The following ADAMTSL1 variants were observed in gnomAD, a reference collection of about 807,000 sequenced individuals.
ADAMTSL1 encodes the protein ADAMTS like 1, also known as ADAMTS-like protein 1.
A neutral mutation model predicts 201.8 loss-of-function variants in ADAMTSL1; 126 were observed. The observed-to-expected ratio is 0.62, with a 90% CI of 0.54 to 0.72. ADAMTSL1 has a LOEUF of 0.72. Ranked by LOEUF, ADAMTSL1 falls within the 30% of genes least tolerant of loss-of-function variation. The pLI, the probability that ADAMTSL1 is intolerant of heterozygous loss-of-function variation, is 0.00. For missense variants in ADAMTSL1, 2,679 were observed against 2,277.8 expected (o/e 1.18, Z -3.59); for synonymous variants, 1,121 against 903.4 (o/e 1.24, Z -4.32).
At chr9:18,207,737 A>G (rs761181616) in intron 2 of ADAMTSL1, among the ~76,000 whole-genome samples, 7 of 152,154 alleles carry the variant, frequency 4.6e-5, no homozygotes, top group Non-Finnish European at 8.8e-5. Flanking sequence ...AACCTCTTGG[A>G]AAATTTTTAT....
At chr9:18,039,249 C>A (rs1458225201) in intron 1 of ADAMTSL1, among the ~76,000 whole-genome samples, 1 of 152,034 alleles carries the variant, frequency 6.6e-6, no homozygotes, top group Non-Finnish European at 1.5e-5. Context: ...TAATATAATG[C>A]CATTAAGGGA....
intron 1 of ADAMTSL1, among the ~76,000 whole-genome samples, chr9:18,138,583 T>G (rs1826258878): frequency 6.6e-6 from 1 of 152,186 alleles, no homozygotes; most frequent in African/African-American, 2.4e-5. Flanking sequence ...GTGATGTTCC[T>G]CCTGTGGAAC....
chr9:18,677,099 A>G (rs1233644664), intron 10 of ADAMTSL1, among the ~76,000 whole-genome samples: 1 of 152,034 alleles, frequency 6.6e-6, no homozygotes, highest in East Asian at 1.9e-4. Flanking sequence ...GTCATCCAGC[A>G]TCTACTTAAA....
At chr9:18,487,049 G>A (rs760834838) in intron 1 of ADAMTSL1, among the ~76,000 whole-genome samples, 3 of 152,158 alleles carry the variant, frequency 2.0e-5, no homozygotes, top group South Asian at 2.1e-4. Flanking sequence ...AGCATTAATG[G>A]TCTAAATGTA....
Position 18,607,143 on chromosome 9 carries a change from A to T in ADAMTSL1, c.475-15100A>T, listed in dbSNP as rs539169585. 8.5e-5 allele frequency among the ~76,000 whole-genome samples: 13 copies of T among 152,344 alleles called. No individual in the cohort carries two copies. In the East Asian group the frequency reaches 2.3e-3, roughly 27 times the overall value. On this transcript the variant is annotated intron_variant, in intron 4 of 28. Coordinates refer to ENST00000380548, the MANE Select transcript of ADAMTSL1 (RefSeq NM_001040272.6). Reference sequence around the variant, plus strand: ...AACTCAATGCCTAAATGTTGTGGGGAGCATGTTCATAAAAATTCTTCTAGT... The same window carrying T: ...AACTCAATGCCTAAATGTTGTGGGGTGCATGTTCATAAAAATTCTTCTAGT...
chr9:18,620,860 G>A (rs139733303), intron 4 of ADAMTSL1, among the ~76,000 whole-genome samples: 8 of 152,228 alleles, frequency 5.3e-5, no homozygotes, highest in South Asian at 2.1e-4. Flanking sequence ...TTTAAAAGAC[G>A]TTCATTTGCT....
chr9:18,373,684 C>A (rs921482397), intron 2 of ADAMTSL1, among the ~76,000 whole-genome samples: 1 of 152,112 alleles, frequency 6.6e-6, no homozygotes, highest in Non-Finnish European at 1.5e-5. Context: ...CCATGCCACA[C>A]CAAAGAGTTT....
chr9:17,996,878 T>G (rs1030786776), intron 1 of ADAMTSL1, among the ~76,000 whole-genome samples: 12 of 152,178 alleles, frequency 7.9e-5, no homozygotes, highest in African/African-American at 2.4e-4. Flanking sequence ...TTTGGTAACA[T>G]AAGCTGCAGA....
chr9:18,094,929 C>G (rs1247362388), intron 1 of ADAMTSL1, among the ~76,000 whole-genome samples: 2 of 152,148 alleles, frequency 1.3e-5, no homozygotes, highest in Non-Finnish European at 2.9e-5. Flanking sequence ...CCACCTAAAT[C>G]TAAACATAAT....
chr9:18,245,615 A>G (rs1342114553), intron 2 of ADAMTSL1, among the ~76,000 whole-genome samples: 1 of 152,072 alleles, frequency 6.6e-6, no homozygotes, highest in Non-Finnish European at 1.5e-5. Flanking sequence ...AGGATTGGAG[A>G]AGAGAGTAGG....
chr9:18,794,728 C>T (rs774410511), intron 19 of ADAMTSL1, among the ~76,000 whole-genome samples: 2 of 151,890 alleles, frequency 1.3e-5, no homozygotes, highest in Admixed American at 6.6e-5. Context: ...CTGCCCCCCA[C>T]GTTCAAGTGA....
At chr9:18,299,138 A>G (rs1333353155) in intron 2 of ADAMTSL1, among the ~76,000 whole-genome samples, 1 of 152,138 alleles carries the variant, frequency 6.6e-6, no homozygotes, top group Non-Finnish European at 1.5e-5. Flanking sequence ...CATTTTGCAG[A>G]TAGAGGAACA....
chr9:18,549,299 T>C (rs915452859), intron 3 of ADAMTSL1, among the ~76,000 whole-genome samples: 4 of 151,656 alleles, frequency 2.6e-5, no homozygotes, highest in African/African-American at 9.7e-5. Flanking sequence ...CATAATGGAG[T>C]GTAAAAGATG....
chr9:18,844,836 C>G (rs1023863631), intron 23 of ADAMTSL1, among the ~76,000 whole-genome samples: 4 of 152,170 alleles, frequency 2.6e-5, no homozygotes, highest in Non-Finnish European at 4.4e-5. Context: ...ATAGGACCCT[C>G]CGAGCCATGT....
chr9:18,803,489 C>T (rs1822925646), intron 20 of ADAMTSL1, among the ~76,000 whole-genome samples: 1 of 152,156 alleles, frequency 6.6e-6, no homozygotes, highest in Non-Finnish European at 1.5e-5. Flanking sequence ...AATGTTAATT[C>T]TTCCTTAGCC....
chr9:17,981,800 T>C (rs1563931996), intron 1 of ADAMTSL1, among the ~76,000 whole-genome samples: 1 of 152,218 alleles, frequency 6.6e-6, no homozygotes, highest in Admixed American at 6.5e-5. Flanking sequence ...TCTTTCTCTG[T>C]AGCTCCTAGA....
At chr9:18,810,032 AG>A (rs929764885) in intron 20 of ADAMTSL1, among the ~76,000 whole-genome samples, 6 of 152,158 alleles carry the variant, frequency 3.9e-5, no homozygotes, top group African/African-American at 1.4e-4. Context: ...GGTGAGATGC[AG>A]GGGTAGATTT....
intron 1 of ADAMTSL1, among the ~76,000 whole-genome samples, chr9:18,504,184 G>A (rs1822998666): frequency 6.6e-6 from 1 of 152,014 alleles, no homozygotes; most frequent in African/African-American, 2.4e-5. Context: ...TCTTTTTCTT[G>A]AATGTGAAGT....
chr9:18,265,590 T>G (rs986772052), intron 2 of ADAMTSL1, among the ~76,000 whole-genome samples: 1 of 152,202 alleles, frequency 6.6e-6, no homozygotes, highest in African/African-American at 2.4e-5. Flanking sequence ...TAAAGGTATA[T>G]ACCCTGAGCA....
Sources: allele counts gnomAD v4.1 joint callset (sites outside exome capture counted in the v4.1 genomes callset), GRCh38; gene constraint gnomAD v4.1.1; transcripts MANE v1.5; gene names NCBI Gene and HGNC (gene_info 2026-07-23, HGNC 2026-07-21).